RASA2: variants seen among roughly 807,000 people sequenced by gnomAD.
The protein encoded by RASA2 is RAS p21 protein activator 2, also known as ras GTPase-activating protein 2.
In RASA2, 155 loss-of-function variants were observed where a neutral mutation model predicts 118.2. The observed-to-expected ratio is 1.31, with a 90% CI of 1.15 to 1.50. The LOEUF (loss-of-function observed/expected upper bound fraction) is 1.50. RASA2 is among the 40% of genes most tolerant of loss of function. RASA2 has a pLI of 0.00. For missense variants in RASA2, 1,016 were observed against 1,009.6 expected, an observed-to-expected ratio of 1.01 and a Z score of -0.09; for synonymous variants, 353 against 349.1, an observed-to-expected ratio of 1.01 and a Z score of -0.12.
At chr3:141,609,750 G>T in intron 22 of RASA2, 127 bp from the exon 23 acceptor site, 1 of 878,674 alleles carries the variant, frequency 1.1e-6, no homozygotes, top group Non-Finnish European at 1.7e-6. Context: ...ATATATTTTA[G>T]TTATCTCGGC....
In RASA2 at chr3:141,516,402, A is replaced by C. The variant is rs1324056453; in HGVS notation, c.326A>C (p.Lys109Thr). Residue 109 changes from lysine (K) to threonine (T), a missense_variant, in exon 3 of 24, where the codon AAG (lysine) becomes ACG (threonine). Lys to Thr is a moderately conservative substitution (Grantham distance 78). Transcript: ENST00000286364. ...FQYLSFYVYD[K>T]NVLQRDLRIG... The stretch of plus-strand genomic sequence containing the variant: ...TATTTGTCTTTCTATGTTTATGATA[A>C]GAATGTTTTACAAAGAGATCTCCGT... 1 of 1,556,004 alleles carries C rather than the reference A, an allele frequency of 6.4e-7. No homozygotes were observed.
At position 141,562,621 on chromosome 3, in the gene RASA2, C is replaced by CA. The variant is rs201159193; in HGVS notation, c.863+2633dup. On this transcript the variant is annotated intron_variant, in intron 9 of 23. Transcript: ENST00000286364. Reference sequence around the variant, plus strand: ...TGGGAGACAGAGCGAGACTCCGTCTCAAAAAAAGAAAACAAAAAACAACAA... The same window carrying CA: ...TGGGAGACAGAGCGAGACTCCGTCTCAAAAAAAAGAAAACAAAAAACAACAA... 6.3e-5 allele frequency among the ~76,000 whole-genome samples: 9 copies of CA among 143,684 alleles called. No homozygotes were observed. In the East Asian group the frequency reaches 2.0e-3, roughly 32 times the overall value. 94.3% of individuals were successfully genotyped at this position (143,684 alleles called of 152,430 possible).
intron 19 of RASA2, among the ~76,000 whole-genome samples, chr3:141,606,346 G>C (rs1271791060): frequency 6.6e-6 from 1 of 152,036 alleles, no homozygotes; most frequent in Non-Finnish European, 1.5e-5. Context: ...ATTTATATTT[G>C]TTAACTGTAA....
chr3:141,505,130 A>T (rs1363150519), intron 1 of RASA2, among the ~76,000 whole-genome samples: 1 of 152,192 alleles, frequency 6.6e-6, no homozygotes, highest in Non-Finnish European at 1.5e-5. Flanking sequence ...GTTTTCTTGA[A>T]TAGCAATAAA....
In RASA2 at chr3:141,548,158, A is replaced by T. The variant is rs145363294; in HGVS notation, c.528-5699A>T. The stretch of plus-strand genomic sequence containing the variant: ...GCCTATAGTTTTCTTTTTTTGATGT[A>T]TCTCTCTCTGGTTTGGTATCAGGGT... On this transcript the variant is annotated intron_variant, in intron 5 of 23. Coordinates refer to ENST00000286364, the MANE Select transcript of RASA2 (RefSeq NM_006506.5). Among the ~76,000 whole-genome samples the T allele has an allele frequency of 5.6e-3, 849 of 152,062 alleles. 7 individuals carry two copies. Among genetic ancestry groups the T allele is most frequent in the African/African-American group, 0.019 (806 of 41,498 alleles).
intron 19 of RASA2, among the ~76,000 whole-genome samples, chr3:141,592,093 G>A (rs770104559): frequency 1.8e-4 from 27 of 151,924 alleles, no homozygotes; most frequent in Non-Finnish European, 3.5e-4. Flanking sequence ...TATTTATGTT[G>A]GATTATAATA....
chr3:141,555,618 G>A (rs981636761), intron 6 of RASA2, among the ~76,000 whole-genome samples: 16 of 151,190 alleles, frequency 1.1e-4, no homozygotes, highest in Non-Finnish European at 2.9e-5. Flanking sequence ...TCCGTAGAGA[G>A]AATAATACAA....
intron 19 of RASA2, among the ~76,000 whole-genome samples, chr3:141,592,462 A>T (rs966605470): frequency 2.6e-5 from 4 of 152,204 alleles, no homozygotes; most frequent in African/African-American, 9.6e-5. Context: ...GTGGGCTTTT[A>T]CTTTGAGTAA....
At chr3:141,534,143 C>T (rs1390659875) in intron 4 of RASA2, among the ~76,000 whole-genome samples, 4 of 152,116 alleles carry the variant, frequency 2.6e-5, no homozygotes, top group East Asian at 3.8e-4. Flanking sequence ...GAACTACAGC[C>T]GTGCTATTAG....
intron 8 of RASA2, among the ~76,000 whole-genome samples, chr3:141,559,635 C>T (rs1383632816): frequency 6.6e-6 from 1 of 152,062 alleles, no homozygotes; most frequent in East Asian, 1.9e-4. Context: ...TAAAATAAAG[C>T]CTCGACTTTC....
chr3:141,496,089 C>T (rs979656955), intron 1 of RASA2, among the ~76,000 whole-genome samples: 8 of 151,996 alleles, frequency 5.3e-5, no homozygotes, highest in South Asian at 2.1e-4. Flanking sequence ...GGGAGTTAGC[C>T]GGTGCTGGGA....
At chr3:141,611,926 C>T (rs1433354178) in intron 23 of RASA2, among the ~76,000 whole-genome samples, 1 of 152,144 alleles carries the variant, frequency 6.6e-6, no homozygotes, top group Admixed American at 6.5e-5. Flanking sequence ...AATAGTACCT[C>T]TCCACTCATA....
chr3:141,571,605 C>G (rs753504679), intron 11 of RASA2, 51 bp downstream of exon 11: 54 of 1,524,444 alleles, frequency 3.5e-5, no homozygotes, highest in Non-Finnish European at 4.8e-5. Context: ...GAAATTGGAC[C>G]TTAGTTTGAC....
At chr3:141,497,171 G>C (rs1304381668) in intron 1 of RASA2, among the ~76,000 whole-genome samples, 22 of 126,344 alleles carry the variant, frequency 1.7e-4, no homozygotes, top group African/African-American at 6.5e-4. Flanking sequence ...GTCGTGGGGT[G>C]GGGGGAGAGG....
intron 17 of RASA2, among the ~76,000 whole-genome samples, chr3:141,584,756 T>C (rs565437449): frequency 1.4e-3 from 220 of 152,318 alleles, no homozygotes; most frequent in Admixed American, 3.3e-3. Flanking sequence ...GTAACCCTAA[T>C]TGTTACATTT....
At chr3:141,532,777 C>T (rs968432386) in intron 4 of RASA2, among the ~76,000 whole-genome samples, 2 of 152,122 alleles carry the variant, frequency 1.3e-5, no homozygotes, top group African/African-American at 4.8e-5. Context: ...CTCCCCCCTG[C>T]CCTGACTCAG....
At chr3:141,558,817 A>C in intron 7 of RASA2, 69 bp from the exon 8 acceptor site, 2 of 1,195,778 alleles carry the variant, frequency 1.7e-6, no homozygotes, top group South Asian at 2.7e-5. Flanking sequence ...TTTGCAGATG[A>C]TCATTTTTAA....
chr3:141,517,751 T>G (rs1215104669), intron 3 of RASA2, among the ~76,000 whole-genome samples: 1 of 152,182 alleles, frequency 6.6e-6, no homozygotes, highest in Admixed American at 6.5e-5. Flanking sequence ...CCTCCTGGGT[T>G]CACGCCATTC....
At chr3:141,531,209 G>T (rs1279888426) in intron 4 of RASA2, among the ~76,000 whole-genome samples, 1 of 151,812 alleles carries the variant, frequency 6.6e-6, no homozygotes, top group Admixed American at 6.6e-5. Flanking sequence ...ATAGGAAAAG[G>T]CTTTGAAAAT....
Sources: allele counts gnomAD v4.1 joint callset (sites outside exome capture counted in the v4.1 genomes callset), GRCh38; gene constraint gnomAD v4.1.1; transcripts MANE v1.5; gene names NCBI Gene and HGNC (gene_info 2026-07-23, HGNC 2026-07-21).